The following GABRG2 variants were observed in gnomAD, a reference collection of about 807,000 sequenced individuals.
The protein encoded by GABRG2 is gamma-aminobutyric acid receptor subunit gamma-2.
Under a neutral mutation model 56.4 loss-of-function variants are expected in GABRG2, and 16 were observed. The ratio of observed to expected loss-of-function variants is 0.28; its 90% CI spans 0.19 to 0.43. The LOEUF is 0.43. GABRG2 is among the 20% of genes least tolerant of loss of function. The pLI is 1.00. For missense variants in GABRG2, 327 were observed against 582.7 expected (o/e 0.56, Z 4.52); for synonymous variants, 208 against 205.5 (o/e 1.01, Z -0.10).
At chr5:162,088,385 C>T (rs752499530) in intron 1 of GABRG2, among the ~76,000 whole-genome samples, 19 of 152,122 alleles carry the variant, frequency 1.2e-4, no homozygotes, top group Admixed American at 2.6e-4. Flanking sequence ...TATATGTGTG[C>T]CTTGTCTCTG....
In GABRG2 at chr5:162,142,251, T is replaced by C; in HGVS notation, c.857T>C (p.Ile286Thr). 1 of 1,614,138 alleles carries C rather than the reference T, an allele frequency of 6.2e-7. No homozygotes were observed. Among genetic ancestry groups the C allele is most frequent in the Non-Finnish European group, 8.5e-7 (1 of 1,179,986 alleles). Residue 286 changes from isoleucine (I) to threonine (T), a missense_variant, in exon 7 of 10, where the codon ATT becomes ACT. Physicochemically the swap from Ile to Thr is moderately conservative, Grantham distance 89. Around this residue, in one of 4 missense-constraint regions of GABRG2, gnomAD observed 42 missense variants for 156.9 expected, o/e 0.27. Coordinates refer to ENST00000639213, the MANE Select transcript of GABRG2 (RefSeq NM_198904.4). The stretch of plus-strand genomic sequence containing the variant: ...CAGACCTATATCCCCTGCACACTCA[T>C]TGTCGTCCTATCCTGGGTGTCTTTC... The part of the protein sequence containing the change: ...TIQTYIPCTL[I>T]VVLSWVSFWI...
chr5:162,079,025 A>G (rs1298740552), intron 1 of GABRG2, among the ~76,000 whole-genome samples: 1 of 150,560 alleles, frequency 6.6e-6, no homozygotes, highest in East Asian at 1.9e-4. Flanking sequence ...TTATATAATT[A>G]ATAATTTAAA....
Position 162,086,204 on chromosome 5 carries a change from AC to A in GABRG2, c.108-7623del, listed in dbSNP as rs762455865. On this transcript the variant is annotated intron_variant, in intron 1 of 9. Transcript: ENST00000639213. ...CCTTTTAGTATTAACTGTAATTGTT[AC>A]ATGGGCACATATAGAAAGAGAGTGA... Among the ~76,000 whole-genome samples the A allele has an allele frequency of 7.5e-4, 114 of 152,092 alleles. 1 individual carries two copies. The highest frequency in any genetic ancestry group is 1.4e-3 in the Non-Finnish European group (92 of 67,994).
At chr5:162,079,753 C>T (rs1378537242) in intron 1 of GABRG2, among the ~76,000 whole-genome samples, 1 of 151,858 alleles carries the variant, frequency 6.6e-6, no homozygotes, top group Non-Finnish European at 1.5e-5. Flanking sequence ...AGATATATAT[C>T]TTATACTCAA....
At chr5:162,153,003 C>T in intron 9 of GABRG2, 90 bp from the exon 10 acceptor site, 1 of 1,458,794 alleles carries the variant, frequency 6.9e-7, no homozygotes, top group Non-Finnish European at 9.6e-7. Context: ...TTTTCAGATT[C>T]ATCATCACAT....
intron 9 of GABRG2, chr5:162,152,824 C>T (rs903874258): frequency 8.4e-6 from 5 of 593,000 alleles, no homozygotes; most frequent in Non-Finnish European, 1.5e-5. Flanking sequence ...AAATATTTAA[C>T]TTTGAGTTCT....
At chr5:162,088,078 T>C (rs1411063039) in intron 1 of GABRG2, among the ~76,000 whole-genome samples, 1 of 152,126 alleles carries the variant, frequency 6.6e-6, no homozygotes, top group African/African-American at 2.4e-5. Context: ...GAACAGGTTC[T>C]GCATAGAGAA....
chr5:162,149,624 G>A (rs1422018164), intron 8 of GABRG2: 1 of 688,170 alleles, frequency 1.5e-6, no homozygotes, highest in Non-Finnish European at 2.7e-6. Context: ...AGGTTTCACT[G>A]ATTTTTTGAG....
chr5:162,105,430 A>ATATTTTTTT, intron 6 of GABRG2, among the ~76,000 whole-genome samples: 2 of 44,028 alleles, frequency 4.5e-5, no homozygotes, highest in South Asian at 1.0e-3. Flanking sequence ...TAGTAGAACA[A>ATATTTTTTT]TCTTTTTTTT....
intron 9 of GABRG2, 174 bp from the exon 10 acceptor site, chr5:162,152,919 G>A: frequency 2.6e-6 from 2 of 760,970 alleles, no homozygotes; most frequent in Admixed American, 2.3e-5. Context: ...TTTGAAATCT[G>A]CAAATGTGCT....
At chr5:162,152,857 A>G (rs895711592) in intron 9 of GABRG2, 3 of 603,402 alleles carry the variant, frequency 5.0e-6, no homozygotes, top group Non-Finnish European at 8.8e-6. Flanking sequence ...TCTCCTTGCT[A>G]TAGCTATTAG....
chr5:162,094,355 C>T, intron 2 of GABRG2: 1 of 284,070 alleles, frequency 3.5e-6, no homozygotes, highest in Non-Finnish European at 6.8e-6. Flanking sequence ...TAACAAACAA[C>T]CAGAAAATCT....
chr5:162,129,122 G>A lies in GABRG2; in HGVS notation c.770-13042G>A, dbSNP rs185818867. On this transcript the variant is annotated intron_variant, in intron 6 of 9. Transcript: ENST00000639213. The stretch of plus-strand genomic sequence containing the variant: ...TTCGAATTTTATTAGTTGTTGATTG[G>A]TGTATTTTCTTAATAAGAACAATAG... 99 of 152,034 alleles carry A rather than the reference G, an allele frequency of 6.5e-4. 1 individual carries two copies. The highest frequency in any genetic ancestry group is 2.3e-3 in the African/African-American group (94 of 41,530). 9.4% of individuals were successfully genotyped at this position (152,034 alleles called of 1,614,324 possible). A position where few individuals can be genotyped will look rare whatever the true frequency, so the allele number is the denominator to read the frequency against.
intron 6 of GABRG2, among the ~76,000 whole-genome samples, chr5:162,108,758 A>C (rs769109383): frequency 1.3e-5 from 2 of 152,188 alleles, no homozygotes; most frequent in African/African-American, 2.4e-5. Context: ...ACAAGTGGGA[A>C]GGACTTGGCA....
chr5:162,115,830 C>T (rs1290335481), intron 6 of GABRG2, among the ~76,000 whole-genome samples: 1 of 152,066 alleles, frequency 6.6e-6, no homozygotes, highest in Non-Finnish European at 1.5e-5. Context: ...AATGACACCA[C>T]TACCTCTAAA....
chr5:162,146,680 T>A (rs1449271582), intron 7 of GABRG2, among the ~76,000 whole-genome samples: 1 of 152,202 alleles, frequency 6.6e-6, no homozygotes, highest in Non-Finnish European at 1.5e-5. Flanking sequence ...TTAGACAGAT[T>A]CTGTTTTCAT....
chr5:162,105,653 A>G (rs1052761243), intron 6 of GABRG2, among the ~76,000 whole-genome samples: 33 of 151,672 alleles, frequency 2.2e-4, no homozygotes, highest in Non-Finnish European at 4.1e-4. Context: ...GATGGTCTCG[A>G]TCTCCTGACC....
intron 5 of GABRG2, chr5:162,102,297 C>T (rs1761483030): frequency 1.2e-5 from 3 of 252,032 alleles, no homozygotes; most frequent in South Asian, 8.4e-5. Context: ...GTTAAAGCTT[C>T]CCTGTGCTTT....
chr5:162,095,389 A>C lies in GABRG2; in HGVS notation c.260-106A>C. 9 of 731,208 alleles carry C rather than the reference A, an allele frequency of 1.2e-5. No individual in the cohort carries two copies. The South Asian group carries it at 1.4e-4, about 11-fold the overall frequency. The allele number at this position is 731,208 out of a possible 1,614,324, so 45.3% of individuals were successfully genotyped here. ...ACTGGTACCAAATTAGTTGTGAATA[A>C]ATTACTTCTAATGTAGCTAAATAAA... On this transcript the variant is annotated intron_variant, in intron 2 of 9. Coordinates refer to ENST00000639213, the MANE Select transcript of GABRG2 (RefSeq NM_198904.4).
Sources: allele counts gnomAD v4.1 joint callset (sites outside exome capture counted in the v4.1 genomes callset), GRCh38; gene constraint gnomAD v4.1.1; regional missense constraint gnomAD v4.1.1; transcripts MANE v1.5; gene names NCBI Gene and HGNC (gene_info 2026-07-23, HGNC 2026-07-21).